Variants in PCDHA4 observed in about 807,000 individuals in gnomAD.
The protein encoded by PCDHA4 is protocadherin alpha 4, also known as protocadherin alpha-4.
PCDHA4 carries 49 observed loss-of-function variants against 61.4 expected under a neutral mutation model. That is an observed-to-expected ratio of 0.80 (90% CI 0.63 to 1.01). The LOEUF (loss-of-function observed/expected upper bound fraction) is 1.01. Among genes scored for constraint, PCDHA4 ranks in the 50% least tolerant of loss-of-function variants. The probability of loss-of-function intolerance (pLI) is 0.00; values close to 1 mark genes in which losing one functional copy is unlikely to be tolerated. For missense variants in PCDHA4, 1,254 were observed against 1,235.8 expected (o/e 1.01, Z -0.22); for synonymous variants, 590 against 550.3 (o/e 1.07, Z -1.01).
At chr5:140,898,624 A>G (rs1374108541) in intron 1 of PCDHA4, among the ~76,000 whole-genome samples, 13 of 152,248 alleles carry the variant, frequency 8.5e-5, no homozygotes, top group African/African-American at 2.6e-4. Flanking sequence ...CAGGTAGCAT[A>G]ATGCCTCCAG....
Position 140,879,336 on chromosome 5 carries a change from AG to A in PCDHA4, c.2385+69765del, listed in dbSNP as rs1391403992. Among the ~76,000 whole-genome samples, 16 of 152,362 alleles carry A rather than the reference AG, an allele frequency of 1.1e-4. No individual in the cohort carries two copies. In the East Asian group the frequency reaches 2.9e-3, roughly 28 times the overall value. ...TGACTCTCACTTTTTTAGTTTGTTC[AG>A]CTGAGAAGATGACATTGCCATTAAC... On this transcript the variant is annotated intron_variant, in intron 1 of 3. Transcript: ENST00000530339.
intron 1 of PCDHA4, chr5:140,870,108 CTG>C (rs1455437240): frequency 6.2e-7 from 1 of 1,613,906 alleles, no homozygotes; most frequent in African/African-American, 1.3e-5. Flanking sequence ...ACTGTACAGT[CTG>C]GGTGGAAATC....
intron 3 of PCDHA4, among the ~76,000 whole-genome samples, chr5:140,987,234 A>G (rs2097240958): frequency 6.6e-6 from 1 of 151,980 alleles, no homozygotes; most frequent in Non-Finnish European, 1.5e-5. Context: ...AAAATAATAA[A>G]TAAAGAAAGA....
In PCDHA4 at chr5:140,836,623, G is replaced by C. The variant is rs2150266037; in HGVS notation, c.2385+27051G>C. 44 of 1,613,510 alleles carry C rather than the reference G, an allele frequency of 2.7e-5. 1 individual carries two copies. The highest frequency in any genetic ancestry group is 4.5e-5 in the East Asian group (2 of 44,856). On this transcript the variant is annotated intron_variant, in intron 1 of 3. Transcript: ENST00000530339. ...CTGGTGTGCTCCAGCGCGGTGGGGA[G>C]CTGGTCATTCTCCCAGCAGAGGCGG...
At chr5:140,869,139 A>C (rs2050869640) in intron 1 of PCDHA4, 1 of 1,613,156 alleles carries the variant, frequency 6.2e-7, no homozygotes, top group Admixed American at 1.7e-5. Flanking sequence ...TGGGCACCCC[A>C]CGACTACAGC....
intron 1 of PCDHA4, among the ~76,000 whole-genome samples, chr5:140,901,764 G>A (rs1217710808): frequency 6.6e-6 from 1 of 152,120 alleles, no homozygotes; most frequent in Non-Finnish European, 1.5e-5. Context: ...GACAGGGATT[G>A]CATTGAATTT....
chr5:140,926,351 C>T (rs1301072681), intron 1 of PCDHA4: 2 of 152,276 alleles, frequency 1.3e-5, no homozygotes, highest in African/African-American at 4.8e-5. Flanking sequence ...CGACGCGCGG[C>T]TCCCAAAGGG....
chr5:140,984,492 T>C (rs2097106044), intron 3 of PCDHA4, among the ~76,000 whole-genome samples: 1 of 152,224 alleles, frequency 6.6e-6, no homozygotes, highest in Non-Finnish European at 1.5e-5. Context: ...TATCCAGAAC[T>C]GTGCCTGGCT....
intron 1 of PCDHA4, among the ~76,000 whole-genome samples, chr5:140,940,929 A>G (rs2092704989): frequency 1.3e-5 from 2 of 152,230 alleles, no homozygotes; most frequent in Non-Finnish European, 2.9e-5. Flanking sequence ...CTCCTTGGCT[A>G]CTTAGACTAC....
intron 1 of PCDHA4, chr5:140,876,774 G>C: frequency 3.7e-6 from 6 of 1,614,228 alleles, no homozygotes; most frequent in Non-Finnish European, 5.1e-6. Flanking sequence ...GCTCGCCTTC[G>C]CTGTGGGCCA....
At chr5:140,858,849 A>G (rs2045624236) in intron 1 of PCDHA4, 2 of 285,640 alleles carry the variant, frequency 7.0e-6, no homozygotes, top group Admixed American at 5.1e-5. Context: ...CCACTGATCT[A>G]TATCTCTTCA....
At chr5:140,922,476 G>C (rs1473614127) in intron 1 of PCDHA4, among the ~76,000 whole-genome samples, 2 of 152,184 alleles carry the variant, frequency 1.3e-5, no homozygotes, top group African/African-American at 4.8e-5. Context: ...AGGAGAGAAG[G>C]CAGGACTAAA....
intron 1 of PCDHA4, among the ~76,000 whole-genome samples, chr5:140,912,343 AT>A (rs35252606): frequency 0.42 from 59,775 of 143,548 alleles, 12,483 homozygotes; most frequent in African/African-American, 0.57. Context: ...TACACTAAGT[AT>A]TTTTTTTTTT....
intron 1 of PCDHA4, among the ~76,000 whole-genome samples, chr5:140,954,414 G>A (rs1322356989): frequency 1.3e-5 from 2 of 152,010 alleles, no homozygotes; most frequent in Non-Finnish European, 2.9e-5. Flanking sequence ...GGGTAAAGGT[G>A]TTCCTTTTTC....
At chr5:140,928,711 A>C in intron 1 of PCDHA4, 1 of 1,614,098 alleles carries the variant, frequency 6.2e-7, no homozygotes, top group South Asian at 1.1e-5. Flanking sequence ...GTCTGACTCT[A>C]GTCTCTTTAG....
At chr5:140,879,103 GGT>G (rs2057856027) in intron 1 of PCDHA4, among the ~76,000 whole-genome samples, 1 of 152,156 alleles carries the variant, frequency 6.6e-6, no homozygotes, top group Admixed American at 6.6e-5. Flanking sequence ...CACAGTATAT[GGT>G]GTAATTGAAG....
Position 140,836,765 on chromosome 5 carries a change from A to T in PCDHA4, c.2385+27193A>T, listed in dbSNP as rs200916074. ...TGAGTCATAAATAATCTTGTTTCCA[A>T]CAATTTTAAAACAATTAGTTCAATT... On this transcript the variant is annotated intron_variant, in intron 1 of 3. Coordinates refer to ENST00000530339, the MANE Select transcript of PCDHA4 (RefSeq NM_018907.4). 7.0e-6 allele frequency: 11 copies of T among 1,563,040 alleles called. No individual in the cohort carries two copies. The East Asian group carries it at 9.0e-5, about 13-fold the overall frequency.
At chr5:140,871,308 G>A (rs1554165414) in intron 1 of PCDHA4, 2 of 1,613,998 alleles carry the variant, frequency 1.2e-6, no homozygotes, top group Admixed American at 1.7e-5. Flanking sequence ...CGCCGGGGAA[G>A]CCCACGCTGG....
intron 1 of PCDHA4, chr5:140,841,882 T>A: frequency 6.2e-7 from 1 of 1,613,800 alleles, no homozygotes; most frequent in Non-Finnish European, 8.5e-7. Context: ...CAAAGAACGA[T>A]GAGAATAAAC....
Sources: gnomAD v4.1 joint callset for allele counts (sites outside exome capture counted in the v4.1 genomes callset) on GRCh38, gnomAD v4.1.1 for gene constraint, MANE v1.5 for transcripts, NCBI Gene and HGNC (gene_info 2026-07-23, HGNC 2026-07-21) for gene names.